Variants in ZSCAN25 observed in about 807,000 individuals in gnomAD.
ZSCAN25 encodes zinc finger and SCAN domain-containing protein 25.
A neutral mutation model predicts 38.7 loss-of-function variants in ZSCAN25; 27 were observed. The ratio of observed to expected loss-of-function variants is 0.70; its 90% CI spans 0.51 to 0.96. ZSCAN25 has a LOEUF of 0.96. Among genes scored for constraint, ZSCAN25 ranks in the 40% least tolerant of loss-of-function variants. The pLI is 0.00. For missense variants in ZSCAN25, 637 were observed against 705.9 expected, an observed-to-expected ratio of 0.90 and a Z score of 1.11; for synonymous variants, 273 against 277.7, an observed-to-expected ratio of 0.98 and a Z score of 0.17.
At position 99,629,809 on chromosome 7, in the gene ZSCAN25, T is replaced by C; in HGVS notation, c.1424T>C (p.Val475Ala). 6.2e-7 allele frequency: 1 copy of C among 1,614,204 alleles called. No homozygotes were observed. The highest frequency in any genetic ancestry group is 8.5e-7 in the Non-Finnish European group (1 of 1,180,026). ...TTCAGCAGGAATGCCAATCTGGCGG[T>C]GCACCGGCGTGCCCACACTGGCGAG... ...KSFSRNANLAVHRRAHTGEKP... is the reference protein window; with the variant it reads ...KSFSRNANLAAHRRAHTGEKP... Residue 475 changes from valine (V) to alanine (A), a missense_variant, in exon 8 of 8, where the codon GTG becomes GCG. Transcript: ENST00000394152. This position sits in a 1 kb window ranked among gnomAD's most constrained non-coding sequence, Gnocchi z 5.6.
At chr7:99,648,664 G>GT in the ZSCAN25 span, among the ~76,000 whole-genome samples, 5,751 of 141,244 alleles carry the variant, frequency 0.041, 300 homozygotes, top group African/African-American at 0.13. Flanking sequence ...GTGGACTCGT[G>GT]TTTTTTTTTT....
At chr7:99,717,771 G>A in the ZSCAN25 span, 1 of 1,157,154 alleles carries the variant, frequency 8.6e-7, no homozygotes, top group Non-Finnish European at 1.3e-6. Flanking sequence ...CAGGCCCTAT[G>A]ACAGATGCTC....
At chr7:99,664,516 A>G in the ZSCAN25 span, among the ~76,000 whole-genome samples, 1 of 152,220 alleles carries the variant, frequency 6.6e-6, no homozygotes, top group Non-Finnish European at 1.5e-5. Context: ...AGAAATCAAT[A>G]AGGGAAAGAA....
At chr7:99,707,736 T>C in the ZSCAN25 span, 1 of 1,584,434 alleles carries the variant, frequency 6.3e-7, no homozygotes, top group South Asian at 1.1e-5. Flanking sequence ...AGTGAGTGTA[T>C]TCTTTTTTAA....
chr7:99,672,108 A>G, the ZSCAN25 span, among the ~76,000 whole-genome samples: 1 of 151,956 alleles, frequency 6.6e-6, no homozygotes, highest in African/African-American at 2.4e-5. Context: ...CTGGAGTATA[A>G]TGGCGTGATC....
chr7:99,665,348 G>A, the ZSCAN25 span: 1 of 1,612,958 alleles, frequency 6.2e-7, no homozygotes, highest in African/African-American at 1.3e-5. Flanking sequence ...ATTAAAATCA[G>A]CACCTCTTAC....
chr7:99,667,048 TC>T, the ZSCAN25 span: 1 of 1,614,060 alleles, frequency 6.2e-7, no homozygotes, highest in Non-Finnish European at 8.5e-7. Flanking sequence ...TTTTCATAAA[TC>T]CCACTGGGCC....
At position 99,630,759 on chromosome 7, in the gene ZSCAN25, C is replaced by G; in HGVS notation, c.*739C>G. ...TCCTCATCTGTAAAACTTCCCCGTC[C>G]ATTATTCCTTGCACTATAACAACTG... On this transcript the variant is annotated 3_prime_UTR_variant, in exon 8 of 8. Coordinates refer to ENST00000394152, the MANE Select transcript of ZSCAN25 (RefSeq NM_145115.3). The G allele has an allele frequency of 1.0e-6, 1 of 985,414 alleles. No homozygotes were observed. Among genetic ancestry groups the G allele is most frequent in the Non-Finnish European group, 1.2e-6 (1 of 829,940 alleles). 61.0% of individuals were successfully genotyped at this position (985,414 alleles called of 1,614,324 possible).
chr7:99,709,862 A>G, the ZSCAN25 span, among the ~76,000 whole-genome samples: 132 of 152,270 alleles, frequency 8.7e-4, 1 homozygote, highest in Middle Eastern at 6.8e-3. Flanking sequence ...GAGAAACACT[A>G]TATTATATAA....
At chr7:99,654,289 T>G in the ZSCAN25 span, among the ~76,000 whole-genome samples, 1 of 152,070 alleles carries the variant, frequency 6.6e-6, no homozygotes. Context: ...TGTCCATGTG[T>G]TCTCATTGTT....
chr7:99,621,457 G>T lies in ZSCAN25; in HGVS notation c.472G>T (p.Glu158Ter), dbSNP rs1187081520. 2 of 1,565,090 alleles carry T rather than the reference G, an allele frequency of 1.3e-6. No individual in the cohort carries two copies. Among genetic ancestry groups the T allele is most frequent in the Non-Finnish European group, 8.7e-7 (1 of 1,151,096 alleles). Reference sequence around the variant, plus strand: ...GCCAGGCATCCAGCTGGGGCCAGTGGAGGTCAAGCCTGAATGGGGGATGCC... The same window carrying T: ...GCCAGGCATCCAGCTGGGGCCAGTGTAGGTCAAGCCTGAATGGGGGATGCC... ...WEPGIQLGPV[E>*]VKPEWGMPPG... The change falls in exon 5 of 8, where the codon GAG becomes TAG. Residue 158 changes from glutamate to a stop codon, truncating the protein, a stop_gained. Coordinates refer to ENST00000394152, the MANE Select transcript of ZSCAN25 (RefSeq NM_145115.3). LOFTEE classifies it high-confidence loss of function.
the ZSCAN25 span, chr7:99,722,407 C>G: frequency 6.3e-7 from 1 of 1,593,114 alleles, no homozygotes; most frequent in Non-Finnish European, 8.6e-7. Context: ...AACCCTGCCT[C>G]TAATTGGGGT....
At chr7:99,717,921 G>A in the ZSCAN25 span, among the ~76,000 whole-genome samples, 4 of 152,164 alleles carry the variant, frequency 2.6e-5, no homozygotes, top group Non-Finnish European at 4.4e-5. Flanking sequence ...CCTAGCACGC[G>A]TGCAGTGTAG....
the ZSCAN25 span, among the ~76,000 whole-genome samples, chr7:99,661,010 G>C: frequency 1.3e-5 from 2 of 152,170 alleles, no homozygotes; most frequent in African/African-American, 4.8e-5. Context: ...TTATCTGTAA[G>C]TAAATATGGG....
Position 99,630,488 on chromosome 7 carries a change from C to T in ZSCAN25, c.*468C>T, listed in dbSNP as rs1807912377. 1.6e-5 allele frequency: 16 copies of T among 996,350 alleles called. No individual in the cohort carries two copies. The highest frequency in any genetic ancestry group is 3.5e-5 in the African/African-American group (2 of 57,344). 61.7% of individuals were successfully genotyped at this position (996,350 alleles called of 1,614,324 possible). ...TCTGAGCACCTGGCCGTGGGAATGC[C>T]GTGGTGAATGAGAGACTAGACGTGA... is the stretch of plus-strand genomic sequence containing the variant. On this transcript the variant is annotated 3_prime_UTR_variant, in exon 8 of 8. Transcript: ENST00000394152.
the ZSCAN25 span, among the ~76,000 whole-genome samples, chr7:99,716,469 C>T: frequency 1.3e-5 from 2 of 152,136 alleles, no homozygotes; most frequent in Admixed American, 1.3e-4. Flanking sequence ...TGAGGTTGCC[C>T]TGATGGCAGA....
the ZSCAN25 span, among the ~76,000 whole-genome samples, chr7:99,662,037 T>C: frequency 6.6e-6 from 1 of 152,206 alleles, no homozygotes; most frequent in Non-Finnish European, 1.5e-5. The surrounding 1 kb of genome is among the most constrained non-coding windows in gnomAD (Gnocchi z 4.3). Context: ...TTTGTTGAGA[T>C]AGATAGATGA....
chr7:99,623,768 G>A (rs1562966593), intron 6 of ZSCAN25, among the ~76,000 whole-genome samples: 2 of 152,234 alleles, frequency 1.3e-5, no homozygotes, highest in Non-Finnish European at 1.5e-5. Flanking sequence ...GGGCTTGGCC[G>A]AATGTGAACT....
At chr7:99,674,501 G>A in the ZSCAN25 span, 1 of 1,586,008 alleles carries the variant, frequency 6.3e-7, no homozygotes, top group Non-Finnish European at 8.7e-7. Context: ...ACAGTAGCAG[G>A]TCTATCCAAT....
Sources: gnomAD v4.1 joint callset for allele counts (sites outside exome capture counted in the v4.1 genomes callset) on GRCh38, gnomAD v4.1.1 for gene constraint, Gnocchi (gnomAD v3.1) non-coding constraint, MANE v1.5 for transcripts, NCBI Gene and HGNC (gene_info 2026-07-23, HGNC 2026-07-21) for gene names.